The following PIK3R4 variants were observed in gnomAD, a reference collection of about 807,000 sequenced individuals.
PIK3R4 encodes the protein phosphoinositide-3-kinase regulatory subunit 4.
Under a neutral mutation model 136.5 loss-of-function variants are expected in PIK3R4, and 46 were observed. That is an observed-to-expected ratio of 0.34 (90% CI 0.27 to 0.43). The LOEUF is 0.43. PIK3R4 is among the 20% of genes least tolerant of loss of function. The pLI, the probability that PIK3R4 is intolerant of heterozygous loss-of-function variation, is 1.00. For missense variants in PIK3R4, 1,331 were observed against 1,649.5 expected, an observed-to-expected ratio of 0.81 and a Z score of 3.35; for synonymous variants, 557 against 566.7, an observed-to-expected ratio of 0.98 and a Z score of 0.24.
At position 130,733,769 on chromosome 3, in the gene PIK3R4, C is replaced by T; in HGVS notation, c.1229G>A (p.Ser410Asn). ...ELILHLAPRL[S>N]VEILLDRITP... ...AATACGATCCAAAAGGATTTCAACACTTAATCTTGGAGCCAAATGAAGAAT... is the reference window on the plus strand; with the variant it reads ...AATACGATCCAAAAGGATTTCAACATTTAATCTTGGAGCCAAATGAAGAAT... Residue 410 changes from serine to asparagine, a missense_variant, in exon 4 of 20, where the codon AGT becomes AAT. Physicochemically the swap from Ser to Asn is conservative, Grantham distance 46. Transcript: ENST00000356763. The T allele has an allele frequency of 6.2e-7, 1 of 1,614,162 alleles. No homozygotes were observed. The highest frequency in any genetic ancestry group is 1.1e-5 in the South Asian group (1 of 91,084).
chr3:130,681,398 A>G, intron 17 of PIK3R4, 93 bp downstream of exon 17: 1 of 851,444 alleles, frequency 1.2e-6, no homozygotes, highest in Non-Finnish European at 2.0e-6. Context: ...CATAACCCAA[A>G]AGCCCAACAG....
At chr3:130,693,826 C>T (rs990020845) in intron 13 of PIK3R4, among the ~76,000 whole-genome samples, 4 of 152,076 alleles carry the variant, frequency 2.6e-5, no homozygotes, top group Admixed American at 6.6e-5. Flanking sequence ...GTGTTTTTCA[C>T]GTAATTTCTC....
At chr3:130,686,842 T>C (rs2066493544) in intron 14 of PIK3R4, among the ~76,000 whole-genome samples, 1 of 152,212 alleles carries the variant, frequency 6.6e-6, no homozygotes, top group African/African-American at 2.4e-5. Context: ...CAGTCTTTCA[T>C]GACCTTGATA....
chr3:130,730,349 T>C lies in PIK3R4; in HGVS notation c.1544A>G (p.Glu515Gly). The C allele has an allele frequency of 6.2e-7, 1 of 1,600,082 alleles. No homozygotes were observed. Among genetic ancestry groups the C allele is most frequent in the Non-Finnish European group, 8.5e-7 (1 of 1,173,842 alleles). Residue 515 changes from glutamate to glycine, a missense_variant, in exon 5 of 20, where the codon GAA becomes GGA. By Grantham distance (98) the Glu-to-Gly change is moderately conservative. Around this residue, in one of 2 missense-constraint regions of PIK3R4, gnomAD observed 1,180 missense variants for 1,407.0 expected, o/e 0.84. Coordinates refer to ENST00000356763, the MANE Select transcript of PIK3R4 (RefSeq NM_014602.3). ...LNMENDPNNE[E>G]IDEVTHPNGN... The stretch of plus-strand genomic sequence containing the variant: ...ATTTGGATGTGTAACCTCATCTATT[T>C]CTTCATTATTGGGGTCATTTTCCAT...
At chr3:130,695,377 T>G (rs570680247) in intron 13 of PIK3R4, among the ~76,000 whole-genome samples, 1 of 152,162 alleles carries the variant, frequency 6.6e-6, no homozygotes, top group Non-Finnish European at 1.5e-5. Flanking sequence ...TCACTTTCCC[T>G]AGTTTCAGTT....
In PIK3R4 at chr3:130,681,710, A is replaced by T. The variant is rs2108513860; in HGVS notation, c.3608-119T>A. 6.5e-6 allele frequency: 4 copies of T among 616,644 alleles called. No homozygotes were observed. The South Asian group carries it at 8.1e-5, about 13-fold the overall frequency. 38.2% of individuals were successfully genotyped at this position (616,644 alleles called of 1,614,324 possible). On this transcript the variant is annotated intron_variant, in intron 16 of 19. Transcript: ENST00000356763. ...AAATTTCTTTCTTTCTTTCAGGGGGAGAGACAATATAATATTCACTTAATA... is the reference window on the plus strand; with the variant it reads ...AAATTTCTTTCTTTCTTTCAGGGGGTGAGACAATATAATATTCACTTAATA...
chr3:130,714,000 A>G (rs185013931), intron 9 of PIK3R4, among the ~76,000 whole-genome samples: 1 of 152,266 alleles, frequency 6.6e-6, no homozygotes, highest in African/African-American at 2.4e-5. Context: ...ATTAATATAC[A>G]GGATAGGTAG....
rs1036392974 is a variant in PIK3R4 at position 130,733,650 on chromosome 3, C to T, written c.1348G>A (p.Glu450Lys). 3.7e-6 allele frequency: 6 copies of T among 1,614,128 alleles called. No homozygotes were observed. Among genetic ancestry groups the T allele is most frequent in the Non-Finnish European group, 4.2e-6 (5 of 1,179,970 alleles). ...ATATTGATATCATTACGAGGAACCT[C>T]TTTGACGAGAGCAAGAACTTTGGTC... ...TLTKVLALVKEVPRNDINIYP... is the reference protein window; with the variant it reads ...TLTKVLALVKKVPRNDINIYP... Residue 450 changes from glutamate to lysine, a missense_variant, in exon 4 of 20, where the codon GAG becomes AAG. Glu to Lys is a moderately conservative substitution (Grantham distance 56). Transcript: ENST00000356763.
At chr3:130,737,782 T>G (rs78210867) in intron 2 of PIK3R4, among the ~76,000 whole-genome samples, 362 of 152,302 alleles carry the variant, frequency 2.4e-3, no homozygotes, top group African/African-American at 8.2e-3. Context: ...GGCAAACACA[T>G]CTAACTCAAA....
At chr3:130,717,443 T>C (rs1021978674) in intron 8 of PIK3R4, among the ~76,000 whole-genome samples, 3 of 152,162 alleles carry the variant, frequency 2.0e-5, no homozygotes, top group African/African-American at 7.2e-5. Flanking sequence ...CTAGATTTAA[T>C]TTCCAAGGAA....
In PIK3R4 at chr3:130,679,392, C is replaced by T; in HGVS notation, c.4000G>A (p.Asp1334Asn). ...TGTGTGGTCTGGAATGTGGCGACAT[C>T]AGTGATGATGTCATGATGTCCCACG... ...LPVGHHDIIT[D>N]VATFQTTQGF... The change falls in exon 20 of 20, where the codon GAT becomes AAT. Residue 1334 changes from aspartate (D) to asparagine (N), a missense_variant. This residue lies in a region of PIK3R4 where 1,180 missense variants were observed against 1,407.0 expected (regional missense o/e 0.84). Coordinates refer to ENST00000356763, the MANE Select transcript of PIK3R4 (RefSeq NM_014602.3). 1.9e-6 allele frequency: 3 copies of T among 1,612,956 alleles called. No homozygotes were observed. The highest frequency in any genetic ancestry group is 2.5e-6 in the Non-Finnish European group (3 of 1,178,980).
intron 16 of PIK3R4, among the ~76,000 whole-genome samples, chr3:130,682,870 G>C (rs1157449225): frequency 1.3e-5 from 2 of 152,164 alleles, no homozygotes; most frequent in Admixed American, 1.3e-4. Context: ...GTCCCATAAA[G>C]TCTTTTGGAC....
chr3:130,707,381 A>T (rs1165197555), intron 10 of PIK3R4, among the ~76,000 whole-genome samples: 1 of 152,170 alleles, frequency 6.6e-6, no homozygotes, highest in Non-Finnish European at 1.5e-5. Context: ...ATTACTTCCT[A>T]GTTTCCCAAA....
In PIK3R4 at chr3:130,708,446, A is replaced by C. The variant is rs749682363; in HGVS notation, c.2378T>G (p.Phe793Cys). Residue 793 changes from phenylalanine (F) to cysteine (C), a missense_variant, in exon 10 of 20, where the codon TTC becomes TGC. Around this residue, in one of 2 missense-constraint regions of PIK3R4, gnomAD observed 1,180 missense variants for 1,407.0 expected, o/e 0.84. Transcript: ENST00000356763. Reference protein sequence around the residue: ...EEDKLLALKDFMMKSNKAKAN... With the variant: ...EEDKLLALKDCMMKSNKAKAN... ...CTTTGCTTTATTAGATTTCATCATG[A>C]AGTCTTTCAGTGCCAGAAGTTTGTC... The C allele has an allele frequency of 2.5e-6, 4 of 1,613,506 alleles. No homozygotes were observed. The highest frequency in any genetic ancestry group is 1.7e-5 in the Admixed American group (1 of 60,014).
intron 7 of PIK3R4, among the ~76,000 whole-genome samples, chr3:130,723,105 TA>T (rs2066712123): frequency 1.1e-5 from 1 of 89,486 alleles, no homozygotes; most frequent in Non-Finnish European, 2.2e-5. Context: ...AAATTAAAAA[TA>T]AAAAAAAGAA....
chr3:130,715,601 T>C (rs942824911), intron 9 of PIK3R4, among the ~76,000 whole-genome samples: 5 of 152,116 alleles, frequency 3.3e-5, no homozygotes, highest in African/African-American at 9.7e-5. Context: ...CACTTTTTGA[T>C]GGGATTTTTT....
At chr3:130,721,199 T>C (rs1458191721) in intron 7 of PIK3R4, among the ~76,000 whole-genome samples, 3 of 151,826 alleles carry the variant, frequency 2.0e-5, no homozygotes. Context: ...TAGCCGGGCA[T>C]GGTAGCGGGC....
chr3:130,705,255 A>G (rs1433625700), intron 12 of PIK3R4, among the ~76,000 whole-genome samples: 1 of 152,240 alleles, frequency 6.6e-6, no homozygotes, highest in Admixed American at 6.5e-5. Context: ...AAGAAGCCAG[A>G]CATTCAAGTG....
In PIK3R4 at chr3:130,728,697, A is replaced by T; in HGVS notation, c.1586-13T>A. On this transcript the variant is annotated splice_polypyrimidine_tract_variant and intron_variant, in intron 5 of 19. Transcript: ENST00000356763. ...AAGGCTTGGAGCTCTAAAAAAAAAA[A>T]AAAAAGAAAGAAAGAAAGAAAGAAA... 6.7e-7 allele frequency: 1 copy of T among 1,498,162 alleles called. No homozygotes were observed. The highest frequency in any genetic ancestry group is 9.0e-7 in the Non-Finnish European group (1 of 1,110,798). The allele number at this position is 1,498,162 out of a possible 1,614,324, so 92.8% of individuals were successfully genotyped here.
Sources: gnomAD v4.1 joint callset for allele counts (sites outside exome capture counted in the v4.1 genomes callset) on GRCh38, gnomAD v4.1.1 for gene constraint, gnomAD v4.1.1 regional missense constraint, MANE v1.5 for transcripts, NCBI Gene and HGNC (gene_info 2026-07-23, HGNC 2026-07-21) for gene names.